Variants in TM9SF4 observed in about 807,000 individuals in gnomAD.
TM9SF4 encodes transmembrane 9 superfamily member 4.
A neutral mutation model predicts 90.4 loss-of-function variants in TM9SF4; 26 were observed. The observed-to-expected ratio is 0.29, with a 90% CI of 0.21 to 0.40. The LOEUF is 0.40. Ranked by LOEUF, TM9SF4 falls within the 10% of genes least tolerant of loss-of-function variation. The probability of loss-of-function intolerance (pLI) is 1.00; values close to 1 mark genes in which losing one functional copy is unlikely to be tolerated. For missense variants in TM9SF4, 549 were observed against 834.8 expected, an observed-to-expected ratio of 0.66 and a Z score of 4.22; for synonymous variants, 293 against 315.4, an observed-to-expected ratio of 0.93 and a Z score of 0.75.
chr20:32,109,747 A>T lies in TM9SF4; in HGVS notation c.7A>T (p.Thr3Ser). 1 of 1,551,602 alleles carries T rather than the reference A, an allele frequency of 6.4e-7. No homozygotes were observed. The highest frequency in any genetic ancestry group is 8.7e-7 in the Non-Finnish European group (1 of 1,146,984). The change falls in exon 1 of 18, where the codon ACG becomes TCG. Residue 3 changes from threonine to serine, a missense_variant. Thr to Ser is a moderately conservative substitution (Grantham distance 58). Around this residue, in one of 2 missense-constraint regions of TM9SF4, gnomAD observed 495 missense variants for 711.7 expected, o/e 0.70. Transcript: ENST00000398022. Reference protein sequence around the residue: MATAMDWLPWSLL... With the variant: MASAMDWLPWSLL... ...GGCGACACGTGGATCCAAGATGGCG[A>T]CGGCGATGGTGAGTGAAGGAGACTC...
intron 1 of TM9SF4, among the ~76,000 whole-genome samples, chr20:32,130,542 C>T (rs2046495403): frequency 6.6e-6 from 1 of 152,156 alleles, no homozygotes; most frequent in African/African-American, 2.4e-5. Context: ...GAGGAAGGGC[C>T]AGAATCTTCA....
chr20:32,161,315 G>A lies in TM9SF4; in HGVS notation c.1729G>A (p.Gly577Ser), dbSNP rs2047015128. 1.2e-6 allele frequency: 2 copies of A among 1,613,906 alleles called. No individual in the cohort carries two copies. Among genetic ancestry groups the A allele is most frequent in the African/African-American group, 1.3e-5 (1 of 74,890 alleles). Residue 577 changes from glycine to serine, a missense_variant, in exon 17 of 18, where the codon GGC becomes AGC. Gly to Ser is a moderately conservative substitution (Grantham distance 56). Transcript: ENST00000398022. ...GTGGAGAAATTTCCTAGTCTCCGGG[G>A]GCTCTGCATTCTACGTCCTGGTTTA... ...WWWRNFLVSG[G>S]SAFYVLVYAI...
At chr20:32,122,343 G>A (rs1294754613) in intron 1 of TM9SF4, among the ~76,000 whole-genome samples, 5 of 151,600 alleles carry the variant, frequency 3.3e-5, no homozygotes, top group African/African-American at 1.2e-4. Context: ...GTGGCTGCCG[G>A]GCGGAGATGC....
Position 32,150,893 on chromosome 20 carries a change from T to C in TM9SF4, c.1245+18T>C. 5 of 1,613,686 alleles carry C rather than the reference T, an allele frequency of 3.1e-6. No individual in the cohort carries two copies. The highest frequency in any genetic ancestry group is 4.2e-6 in the Non-Finnish European group (5 of 1,179,826). ...CCTTCTGTGTGAGTGTCCTAAACCTTCTCTTGTTTGGTGGGAAGCAGAGAA... is the reference window on the plus strand; with the variant it reads ...CCTTCTGTGTGAGTGTCCTAAACCTCCTCTTGTTTGGTGGGAAGCAGAGAA... On this transcript the variant is annotated intron_variant, in intron 12 of 17. Transcript: ENST00000398022.
intron 1 of TM9SF4, among the ~76,000 whole-genome samples, chr20:32,122,975 C>T (rs1299419617): frequency 2.6e-5 from 4 of 151,486 alleles, no homozygotes; most frequent in African/African-American, 4.9e-5. Flanking sequence ...GAGACCAGCC[C>T]GGCCAACACA....
Position 32,146,435 on chromosome 20 carries a change from T to C in TM9SF4, c.884-350T>C, listed in dbSNP as rs78809589. On this transcript the variant is annotated intron_variant, in intron 8 of 17. Coordinates refer to ENST00000398022, the MANE Select transcript of TM9SF4 (RefSeq NM_014742.4). The stretch of plus-strand genomic sequence containing the variant: ...GAACATAGTGAGGCCAGGAGCCAAC[T>C]GAAGCAGCAGATAGCCAGAGGTGGA... Among the ~76,000 whole-genome samples, 1,167 of 152,150 alleles carry C rather than the reference T, an allele frequency of 7.7e-3. 14 individuals are homozygous for C. The highest frequency in any genetic ancestry group is 1.0e-2 in the Non-Finnish European group (677 of 67,976).
chr20:32,134,771 C>G lies in TM9SF4; in HGVS notation c.130-1303C>G, dbSNP rs138619778. Among the ~76,000 whole-genome samples, 217 of 151,900 alleles carry G rather than the reference C, an allele frequency of 1.4e-3. 1 individual carries two copies. Among genetic ancestry groups the G allele is most frequent in the Middle Eastern group, 0.014 (4 of 294 alleles). ...TACTGCAACCTCTGCCTCCCAGGTT[C>G]AAGCAATTCTCCTGCCTCAGCCTCC... On this transcript the variant is annotated intron_variant, in intron 2 of 17. Transcript: ENST00000398022.
chr20:32,110,394 T>C (rs1367375378), intron 1 of TM9SF4, among the ~76,000 whole-genome samples: 1 of 152,134 alleles, frequency 6.6e-6, no homozygotes, highest in Non-Finnish European at 1.5e-5. Flanking sequence ...GCCCCTCTCT[T>C]AGGGACCTTT....
chr20:32,141,716 C>T (rs539476561), intron 4 of TM9SF4, 50 bp from the exon 5 acceptor site: 1 of 1,613,140 alleles, frequency 6.2e-7, no homozygotes, highest in Admixed American at 1.7e-5. Context: ...GGGGAGGACA[C>T]TGACGGGAGA....
intron 13 of TM9SF4, among the ~76,000 whole-genome samples, chr20:32,155,698 C>A (rs1013968371): frequency 6.6e-6 from 1 of 152,180 alleles, no homozygotes; most frequent in Non-Finnish European, 1.5e-5. Flanking sequence ...GGATTTTGAA[C>A]TCAGTTGTGG....
At chr20:32,156,957 T>G (rs1187587409) in intron 13 of TM9SF4, among the ~76,000 whole-genome samples, 2 of 148,304 alleles carry the variant, frequency 1.3e-5, no homozygotes, top group Non-Finnish European at 3.0e-5. Flanking sequence ...TTTTTTTTTT[T>G]GAGACGAAGT....
chr20:32,121,825 C>CG (rs2046313244), intron 1 of TM9SF4, among the ~76,000 whole-genome samples: 1 of 149,466 alleles, frequency 6.7e-6, no homozygotes, highest in African/African-American at 2.5e-5. Flanking sequence ...GCTGGCCGGG[C>CG]GGGGGGCTGA....
chr20:32,125,689 T>C (rs961190071), intron 1 of TM9SF4, among the ~76,000 whole-genome samples: 19 of 147,156 alleles, frequency 1.3e-4, no homozygotes, highest in Middle Eastern at 3.4e-3. Flanking sequence ...TTCTTTTTTT[T>C]TTTTTTTTTT....
At chr20:32,125,110 C>CG (rs2046400395) in intron 1 of TM9SF4, among the ~76,000 whole-genome samples, 1 of 152,150 alleles carries the variant, frequency 6.6e-6, no homozygotes, top group Admixed American at 6.5e-5. Context: ...ACTCAGCTCA[C>CG]GGTGACGGTT....
intron 9 of TM9SF4, 50 bp downstream of exon 9, chr20:32,146,905 G>A (rs1207683944): frequency 2.6e-6 from 4 of 1,550,188 alleles, no homozygotes; most frequent in African/African-American, 1.4e-5. Flanking sequence ...GAGGGGAGGA[G>A]GACCGTGTGT....
At chr20:32,162,148 A>G (rs1483566613) in intron 17 of TM9SF4, among the ~76,000 whole-genome samples, 1 of 152,220 alleles carries the variant, frequency 6.6e-6, no homozygotes, top group African/African-American at 2.4e-5. Flanking sequence ...TCACCTCCAA[A>G]ACTAATACTC....
At chr20:32,151,460 G>A (rs2122443391) in intron 12 of TM9SF4, among the ~76,000 whole-genome samples, 1 of 146,992 alleles carries the variant, frequency 6.8e-6, no homozygotes, top group Admixed American at 6.8e-5. Flanking sequence ...GTCTCTTAGA[G>A]GACTAGGAAG....
intron 6 of TM9SF4, among the ~76,000 whole-genome samples, chr20:32,143,531 G>A (rs1373421377): frequency 3.3e-5 from 5 of 152,150 alleles, no homozygotes; most frequent in South Asian, 2.1e-4. Context: ...TTCCTCTCCC[G>A]CTGTGTGAGT....
intron 1 of TM9SF4, among the ~76,000 whole-genome samples, chr20:32,129,694 C>T (rs1217333948): frequency 6.6e-6 from 1 of 151,170 alleles, no homozygotes; most frequent in Non-Finnish European, 1.5e-5. Flanking sequence ...AAGCAATTCT[C>T]CTGCCTCTGC....
Sources: gnomAD v4.1 joint callset for allele counts (sites outside exome capture counted in the v4.1 genomes callset) on GRCh38, gnomAD v4.1.1 for gene constraint, gnomAD v4.1.1 regional missense constraint, MANE v1.5 for transcripts, NCBI Gene and HGNC (gene_info 2026-07-23, HGNC 2026-07-21) for gene names.